The following DPP6 variants were observed in gnomAD, a reference collection of about 807,000 sequenced individuals.
DPP6 encodes dipeptidyl peptidase like 6.
In DPP6, 69 loss-of-function variants were observed where a neutral mutation model predicts 122.6. The observed-to-expected ratio is 0.56, with a 90% CI of 0.46 to 0.69. The LOEUF (loss-of-function observed/expected upper bound fraction) is 0.69, where lower values mean the gene tolerates loss of function less well. Among genes scored for constraint, DPP6 ranks in the 30% least tolerant of loss-of-function variants. The probability of loss-of-function intolerance (pLI) is 0.00; values close to 1 mark genes in which losing one functional copy is unlikely to be tolerated. For missense variants in DPP6, 928 were observed against 1,116.9 expected (o/e 0.83, Z 2.41); for synonymous variants, 418 against 433.1 (o/e 0.97, Z 0.43).
the DPP6 span, among the ~76,000 whole-genome samples, chr7:153,824,607 C>G: frequency 6.6e-6 from 1 of 151,822 alleles, no homozygotes; most frequent in East Asian, 1.9e-4. Flanking sequence ...TAGCTTGAAC[C>G]TGGGAGGCAG....
chr7:154,348,951 C>G (rs1040693782), intron 1 of DPP6, among the ~76,000 whole-genome samples: 5 of 152,116 alleles, frequency 3.3e-5, no homozygotes, highest in African/African-American at 1.2e-4. Flanking sequence ...AACAAATGTG[C>G]AACACAAGTT....
At chr7:153,924,993 G>T (rs1800823774) in intron 1 of DPP6, among the ~76,000 whole-genome samples, 1 of 152,218 alleles carries the variant, frequency 6.6e-6, no homozygotes, top group Admixed American at 6.5e-5. Flanking sequence ...TGGTCTGGTT[G>T]TTGACATTGT....
At chr7:154,869,388 A>G (rs1370894828) in intron 18 of DPP6, among the ~76,000 whole-genome samples, 4 of 152,270 alleles carry the variant, frequency 2.6e-5, no homozygotes, top group Non-Finnish European at 5.9e-5. Flanking sequence ...TGCATTGCGT[A>G]GAGCAGAAAG....
intron 1 of DPP6, among the ~76,000 whole-genome samples, chr7:154,394,778 G>T (rs1221768794): frequency 6.6e-6 from 1 of 152,108 alleles, no homozygotes; most frequent in African/African-American, 2.4e-5. Flanking sequence ...TATAGTGTAA[G>T]GTAAGGGTCT....
At chr7:154,839,429 C>T (rs552139079) in intron 16 of DPP6, among the ~76,000 whole-genome samples, 31 of 152,370 alleles carry the variant, frequency 2.0e-4, no homozygotes, top group African/African-American at 7.0e-4. Context: ...GCCAAAGTGC[C>T]TGGCTTCCAG....
At chr7:154,317,985 C>T (rs1807582257) in intron 1 of DPP6, among the ~76,000 whole-genome samples, 1 of 152,106 alleles carries the variant, frequency 6.6e-6, no homozygotes, top group Admixed American at 6.6e-5. Context: ...AAAATACTGA[C>T]TTTATGTTTT....
chr7:154,225,641 T>C (rs1368906144), intron 1 of DPP6, among the ~76,000 whole-genome samples: 1 of 152,212 alleles, frequency 6.6e-6, no homozygotes, highest in Non-Finnish European at 1.5e-5. Context: ...ATATATCTTA[T>C]TAGTAATCTC....
At chr7:154,534,281 T>A (rs1168174146) in intron 3 of DPP6, among the ~76,000 whole-genome samples, 1 of 152,170 alleles carries the variant, frequency 6.6e-6, no homozygotes, top group African/African-American at 2.4e-5. Flanking sequence ...CTAAGTTATA[T>A]TCAATGATGA....
At chr7:154,431,027 G>A (rs887946637) in intron 1 of DPP6, among the ~76,000 whole-genome samples, 9 of 152,176 alleles carry the variant, frequency 5.9e-5, no homozygotes, top group African/African-American at 1.9e-4. Context: ...TACTTTGATT[G>A]GCACCCAGAG....
intron 1 of DPP6, among the ~76,000 whole-genome samples, chr7:154,357,852 G>A (rs1023447005): frequency 6.6e-6 from 1 of 151,614 alleles, no homozygotes; most frequent in Non-Finnish European, 1.5e-5. Flanking sequence ...TGAGGCAGGA[G>A]AATCACCTGA....
At chr7:154,471,165 C>T (rs944699350) in intron 2 of DPP6, among the ~76,000 whole-genome samples, 9 of 152,080 alleles carry the variant, frequency 5.9e-5, no homozygotes, top group Non-Finnish European at 7.4e-5. Flanking sequence ...GCAGGAGAAT[C>T]GTTTGAATGT....
intron 1 of DPP6, among the ~76,000 whole-genome samples, chr7:154,337,964 A>G (rs1809579218): frequency 6.6e-6 from 1 of 152,236 alleles, no homozygotes; most frequent in Admixed American, 6.5e-5. Context: ...TGCAGGCCAC[A>G]GGAGAAGGTG....
At chr7:154,460,832 C>T (rs1407139094) in intron 2 of DPP6, among the ~76,000 whole-genome samples, 1 of 152,104 alleles carries the variant, frequency 6.6e-6, no homozygotes, top group Non-Finnish European at 1.5e-5. Flanking sequence ...AAGCATTTGT[C>T]CTTTCTTTGT....
intron 4 of DPP6, among the ~76,000 whole-genome samples, chr7:154,554,079 A>C (rs1054939523): frequency 6.6e-6 from 1 of 152,122 alleles, no homozygotes; most frequent in African/African-American, 2.4e-5. Flanking sequence ...TGACTCAGTA[A>C]ATGCAGTGCT....
At chr7:154,286,836 C>G (rs1336488830) in intron 1 of DPP6, among the ~76,000 whole-genome samples, 1 of 150,514 alleles carries the variant, frequency 6.6e-6, no homozygotes, top group East Asian at 2.0e-4. Context: ...GAGACAGTCT[C>G]ACTCTGTCAC....
chr7:154,097,198 C>T (rs1429328244), intron 1 of DPP6, among the ~76,000 whole-genome samples: 2 of 152,240 alleles, frequency 1.3e-5, no homozygotes, highest in Admixed American at 6.5e-5. Flanking sequence ...AATTGCATAT[C>T]CACAGTCAGG....
At chr7:154,174,962 C>T (rs948170716) in intron 1 of DPP6, among the ~76,000 whole-genome samples, 4 of 151,650 alleles carry the variant, frequency 2.6e-5, no homozygotes, top group Non-Finnish European at 5.9e-5. Context: ...CTGCAACCTC[C>T]GCCTCCCAGG....
At chr7:154,678,076 G>C (rs1839030166) in intron 7 of DPP6, among the ~76,000 whole-genome samples, 3 of 152,300 alleles carry the variant, frequency 2.0e-5, no homozygotes, top group Middle Eastern at 3.4e-3. Context: ...TCAGCACTCT[G>C]TAAATACGCA....
the DPP6 span, among the ~76,000 whole-genome samples, chr7:153,807,412 C>A: frequency 7.0e-6 from 1 of 143,754 alleles, no homozygotes; most frequent in African/African-American, 2.8e-5. Flanking sequence ...CCATCTCAAA[C>A]AAACAAACAA....
Sources: allele counts gnomAD v4.1 joint callset (sites outside exome capture counted in the v4.1 genomes callset), GRCh38; gene constraint gnomAD v4.1.1; transcripts MANE v1.5; gene names NCBI Gene and HGNC (gene_info 2026-07-23, HGNC 2026-07-21).